DGKI: variants seen among roughly 807,000 people sequenced by gnomAD.
DGKI encodes DAG kinase iota.
Under a neutral mutation model 147.5 loss-of-function variants are expected in DGKI, and 55 were observed. That is an observed-to-expected ratio of 0.37 (90% CI 0.30 to 0.47). The LOEUF (loss-of-function observed/expected upper bound fraction) is 0.47. DGKI is among the 20% of genes least tolerant of loss of function. DGKI has a pLI of 1.00. For synonymous variants in DGKI, 469 were observed against 477.1 expected (o/e 0.98, Z 0.22); for missense variants, 1,007 against 1,323.8 (o/e 0.76, Z 3.71).
At chr7:137,760,442 C>T (rs897851393) in intron 1 of DGKI, among the ~76,000 whole-genome samples, 1 of 152,158 alleles carries the variant, frequency 6.6e-6, no homozygotes, top group African/African-American at 2.4e-5. Context: ...ACTTCCCTCC[C>T]GCCCCATCTT....
chr7:137,492,193 A>G lies in DGKI; in HGVS notation c.2249-4504T>C, dbSNP rs141447009. On this transcript the variant is annotated intron_variant, in intron 21 of 32. Transcript: ENST00000614521. Reference sequence around the variant, plus strand: ...CTTCCAGGCAGCTTTTATGTTTCCCACTTTTAATAATGAAGAGAAAGGCAA... The same window carrying G: ...CTTCCAGGCAGCTTTTATGTTTCCCGCTTTTAATAATGAAGAGAAAGGCAA... Among the ~76,000 whole-genome samples, 1,315 of 152,306 alleles carry G rather than the reference A, an allele frequency of 8.6e-3. 18 individuals carry two copies. The highest frequency in any genetic ancestry group is 9.5e-3 in the Non-Finnish European group (646 of 68,020).
intron 30 of DGKI, among the ~76,000 whole-genome samples, chr7:137,399,287 A>G (rs1811662446): frequency 6.6e-6 from 1 of 152,188 alleles, no homozygotes; most frequent in African/African-American, 2.4e-5. Context: ...GTTGAATATA[A>G]GAACACCTCA....
chr7:137,499,949 C>T (rs1368664948), intron 21 of DGKI, among the ~76,000 whole-genome samples: 1 of 152,114 alleles, frequency 6.6e-6, no homozygotes, highest in Non-Finnish European at 1.5e-5. Context: ...AAAGAGAGCC[C>T]ACACCAGACC....
chr7:137,598,300 C>T (rs971280091), intron 11 of DGKI, among the ~76,000 whole-genome samples: 10 of 151,994 alleles, frequency 6.6e-5, no homozygotes, highest in African/African-American at 2.4e-4. Context: ...ATCAGTAGTC[C>T]TTATATATCC....
intron 1 of DGKI, among the ~76,000 whole-genome samples, chr7:137,809,659 C>T (rs1797497554): frequency 6.6e-6 from 1 of 152,184 alleles, no homozygotes; most frequent in Admixed American, 6.5e-5. Flanking sequence ...GTAATCCCAG[C>T]ATTCTTGGAC....
At chr7:137,454,670 A>G (rs1254494424) in intron 27 of DGKI, 1 of 152,168 alleles carries the variant, frequency 6.6e-6, no homozygotes, top group Non-Finnish European at 1.5e-5. Context: ...TCTCTGCAAT[A>G]TAGTTGCCAG....
At chr7:137,455,809 T>C (rs1198758827) in intron 27 of DGKI, among the ~76,000 whole-genome samples, 1 of 152,034 alleles carries the variant, frequency 6.6e-6, no homozygotes. Flanking sequence ...GCCACCACCA[T>C]TTCCAGTGAT....
chr7:137,522,652 T>C lies in DGKI; in HGVS notation c.2148-686A>G, dbSNP rs58755224. Among the ~76,000 whole-genome samples the C allele has an allele frequency of 2.6e-3, 401 of 152,240 alleles. 1 individual carries two copies. Among genetic ancestry groups the C allele is most frequent in the African/African-American group, 9.0e-3 (374 of 41,554 alleles). On this transcript the variant is annotated intron_variant, in intron 20 of 32. Transcript: ENST00000614521. ...TCAATGCATACTGACTCCAGACACA[T>C]ATTAAGCAATAAAATGGTGCAGCAC...
intron 21 of DGKI, among the ~76,000 whole-genome samples, chr7:137,500,727 A>G (rs956001526): frequency 6.6e-6 from 1 of 151,726 alleles, no homozygotes; most frequent in African/African-American, 2.4e-5. Flanking sequence ...GTTGTTTCTT[A>G]AGTTAATTTT....
chr7:137,603,418 T>C (rs562801276), intron 10 of DGKI, among the ~76,000 whole-genome samples: 5 of 152,034 alleles, frequency 3.3e-5, no homozygotes, highest in Non-Finnish European at 7.4e-5. Context: ...CTGAGAAAAA[T>C]ACATTAATGA....
intron 1 of DGKI, among the ~76,000 whole-genome samples, chr7:137,737,553 C>T (rs1003550108): frequency 6.6e-6 from 1 of 151,742 alleles, no homozygotes; most frequent in African/African-American, 2.4e-5. Flanking sequence ...GACATGAAAG[C>T]TCATCTCTGA....
intron 27 of DGKI, among the ~76,000 whole-genome samples, chr7:137,450,462 T>C (rs993164345): frequency 6.6e-6 from 1 of 152,204 alleles, no homozygotes; most frequent in Non-Finnish European, 1.5e-5. Context: ...CTCACCCCTG[T>C]AATCCCAGCA....
chr7:137,570,754 T>G (rs2128975800), intron 19 of DGKI, among the ~76,000 whole-genome samples: 1 of 152,198 alleles, frequency 6.6e-6, no homozygotes, highest in South Asian at 2.1e-4. Flanking sequence ...CATACCCAGC[T>G]AATTTTTGTA....
chr7:137,592,031 A>C (rs1406954645), intron 12 of DGKI, among the ~76,000 whole-genome samples: 1 of 152,236 alleles, frequency 6.6e-6, no homozygotes, highest in Non-Finnish European at 1.5e-5. Context: ...ATAGCAGGAG[A>C]CATTAAAAAT....
chr7:137,508,219 CTTTTTTTTTTTTT>C lies in DGKI; in HGVS notation c.2248+13634_2248+13646del, dbSNP rs1171968411. On this transcript the variant is annotated intron_variant, in intron 21 of 32. Transcript: ENST00000614521. The stretch of plus-strand genomic sequence containing the variant: ...GCATGATGGAACTTTAGACAGGTTT[CTTTTTTTTTTTTT>C]TTTTTTTTTTTTTGAGACGGAGTCT... Among the ~76,000 whole-genome samples, 54 of 92,536 alleles carry C rather than the reference CTTTTTTTTTTTTT, an allele frequency of 5.8e-4. 1 individual carries two copies. The highest frequency in any genetic ancestry group is 2.3e-3 in the African/African-American group (52 of 22,692). 60.7% of individuals were successfully genotyped at this position (92,536 alleles called of 152,430 possible).
At chr7:137,765,922 T>C (rs1331813690) in intron 1 of DGKI, among the ~76,000 whole-genome samples, 1 of 152,182 alleles carries the variant, frequency 6.6e-6, no homozygotes, top group African/African-American at 2.4e-5. Context: ...ATCTATACCT[T>C]ACACTGGTAT....
In DGKI at chr7:137,829,812, G is replaced by A. The variant is rs1035404349; in HGVS notation, c.401+16650C>T. On this transcript the variant is annotated intron_variant, in intron 1 of 32. Transcript: ENST00000614521. ...GTGTCAACTCACTGAAAGAAAGTTC[G>A]CCAAAACCTCTCAAATAGCTTAAGC... is the stretch of plus-strand genomic sequence containing the variant. Among the ~76,000 whole-genome samples the A allele has an allele frequency of 3.3e-5, 5 of 152,190 alleles. No homozygotes were observed. The East Asian group carries it at 5.8e-4, about 18-fold the overall frequency.
At position 137,585,364 on chromosome 7, in the gene DGKI, A is replaced by G; in HGVS notation, c.1426-18T>C. 4.3e-6 allele frequency: 7 copies of G among 1,613,290 alleles called. No individual in the cohort carries two copies. The highest frequency in any genetic ancestry group is 5.9e-6 in the Non-Finnish European group (7 of 1,179,616). ...GTGTAGCCCTGAGGAATCAGAGAAC[A>G]TATCCATTGCTGTCCAGAGTGGAGA... On this transcript the variant is annotated intron_variant, in intron 13 of 32. Transcript: ENST00000614521.
At chr7:137,764,112 T>C (rs1795937988) in intron 1 of DGKI, among the ~76,000 whole-genome samples, 1 of 152,142 alleles carries the variant, frequency 6.6e-6, no homozygotes. Flanking sequence ...ATTTACTAAA[T>C]ATGCAGTAGG....
Sources: gnomAD v4.1 joint callset for allele counts (sites outside exome capture counted in the v4.1 genomes callset) on GRCh38, gnomAD v4.1.1 for gene constraint, MANE v1.5 for transcripts, NCBI Gene and HGNC (gene_info 2026-07-23, HGNC 2026-07-21) for gene names.